EXT1: variants seen among roughly 807,000 people sequenced by gnomAD.
The protein encoded by EXT1 is exostosin-1.
A neutral mutation model predicts 82.5 loss-of-function variants in EXT1; 20 were observed. The observed-to-expected ratio is 0.24, with a 90% confidence interval of 0.17 to 0.35. The LOEUF (loss-of-function observed/expected upper bound fraction) is 0.35, where lower values mean the gene tolerates loss of function less well. EXT1 is among the 10% of genes least tolerant of loss of function. The pLI is 1.00. For synonymous variants in EXT1, 348 were observed against 350.8 expected (o/e 0.99, Z 0.09); for missense variants, 757 against 936.5 (o/e 0.81, Z 2.50).
chr8:117,866,778 C>T (rs1296505540), intron 1 of EXT1, among the ~76,000 whole-genome samples: 1 of 126,180 alleles, frequency 7.9e-6, no homozygotes, highest in Non-Finnish European at 1.6e-5. Flanking sequence ...TAGGAATTTG[C>T]TTCCCTGGCC....
intron 6 of EXT1, 132 bp downstream of exon 6, chr8:117,819,544 G>C: frequency 1.3e-6 from 1 of 793,314 alleles, no homozygotes; most frequent in Non-Finnish European, 2.3e-6. Context: ...ATGAATGAAA[G>C]GGAGTAGCAG....
intron 1 of EXT1, among the ~76,000 whole-genome samples, chr8:117,897,591 C>CTTT (rs34963536): frequency 0.029 from 2,623 of 90,572 alleles, 214 homozygotes; most frequent in African/African-American, 0.076. Flanking sequence ...CTTCTTTTCT[C>CTTT]TTTTTTTTTT....
At chr8:117,825,534 C>T (rs6469711) in intron 4 of EXT1, among the ~76,000 whole-genome samples, 34,649 of 152,038 alleles carry the variant, frequency 0.23, 4,607 homozygotes, top group Middle Eastern at 0.37. Flanking sequence ...ATGGCCCCCT[C>T]GATAAGGACA....
At position 118,087,702 on chromosome 8, in the gene EXT1, A is replaced by G. The variant is rs921072529; in HGVS notation, c.962+22383T>C. On this transcript the variant is annotated intron_variant, in intron 1 of 10. Coordinates refer to ENST00000378204, the MANE Select transcript of EXT1 (RefSeq NM_000127.3). ...CAGAAAAAAAATTTTTTAATAAAAG[A>G]TAAGTTTGATTCATGCATGTAATTG... Among the ~76,000 whole-genome samples, 7 of 152,296 alleles carry G rather than the reference A, an allele frequency of 4.6e-5. No homozygotes were observed. The South Asian group carries it at 1.2e-3, about 27-fold the overall frequency.
At chr8:117,898,706 G>GA (rs916946977) in intron 1 of EXT1, among the ~76,000 whole-genome samples, 55 of 148,342 alleles carry the variant, frequency 3.7e-4, no homozygotes, top group African/African-American at 8.9e-4. Flanking sequence ...AGGATGTAAG[G>GA]AAAAAAAAAC....
chr8:118,039,210 T>C (rs1412199508), intron 1 of EXT1, among the ~76,000 whole-genome samples: 1 of 152,222 alleles, frequency 6.6e-6, no homozygotes, highest in Non-Finnish European at 1.5e-5. Context: ...GTATGTAGGC[T>C]CAGATAATGT....
intron 1 of EXT1, among the ~76,000 whole-genome samples, chr8:118,082,916 G>T (rs1272530095): frequency 6.6e-6 from 1 of 152,132 alleles, no homozygotes; most frequent in African/African-American, 2.4e-5. Flanking sequence ...GCGAGGGAAA[G>T]AAACCAGAAA....
chr8:117,921,170 C>G (rs768564086), intron 1 of EXT1, among the ~76,000 whole-genome samples: 2 of 152,128 alleles, frequency 1.3e-5, no homozygotes, highest in Non-Finnish European at 2.9e-5. Context: ...TGGGCAAAGC[C>G]TCGCCTGCAA....
At position 118,110,939 on chromosome 8, in the gene EXT1, C is replaced by G. The variant is rs1291032406; in HGVS notation, c.108G>C (p.Arg36=). Residue 36 remains arginine, a synonymous_variant, in exon 1 of 11, where the codon CGG becomes CGC. Coordinates refer to ENST00000378204, the MANE Select transcript of EXT1 (RefSeq NM_000127.3). Reference sequence around the variant, plus strand: ...CATTCCTACCGCTGTGTTCTTCTCTCCGGCTGTGGCTCCTCGATGCCCTAA... The same window carrying G: ...CATTCCTACCGCTGTGTTCTTCTCTGCGGCTGTGGCTCCTCGATGCCCTAA... ...LQFRASRSHS[R]REEHSGRNGL... 1 of 1,613,614 alleles carries G rather than the reference C, an allele frequency of 6.2e-7. No homozygotes were observed. Among genetic ancestry groups the G allele is most frequent in the Non-Finnish European group, 8.5e-7 (1 of 1,180,050 alleles).
chr8:117,830,005 A>G (rs1194059844), intron 4 of EXT1, among the ~76,000 whole-genome samples: 1 of 152,206 alleles, frequency 6.6e-6, no homozygotes, highest in African/African-American at 2.4e-5. Context: ...GTCAATAAGT[A>G]TAATTTCTCC....
At chr8:118,009,805 T>C (rs1815857076) in intron 1 of EXT1, among the ~76,000 whole-genome samples, 2 of 152,068 alleles carry the variant, frequency 1.3e-5, no homozygotes, top group Admixed American at 6.6e-5. Context: ...CCTGAAACCA[T>C]CCCCACACCA....
intron 1 of EXT1, among the ~76,000 whole-genome samples, chr8:117,907,455 C>T (rs1813563709): frequency 6.6e-6 from 1 of 152,264 alleles, no homozygotes; most frequent in African/African-American, 2.4e-5. Flanking sequence ...TGCTTCCTGT[C>T]CATCCTTTGA....
chr8:117,909,382 T>C (rs181829590), intron 1 of EXT1, among the ~76,000 whole-genome samples: 2 of 152,268 alleles, frequency 1.3e-5, no homozygotes, highest in Admixed American at 6.5e-5. Flanking sequence ...AGAGATCAAA[T>C]AGTATGTAAT....
chr8:117,815,678 C>A (rs947391200), intron 7 of EXT1, among the ~76,000 whole-genome samples: 1 of 152,092 alleles, frequency 6.6e-6, no homozygotes, highest in African/African-American at 2.4e-5. Flanking sequence ...CCGCCTGTAA[C>A]CCCAGCACTT....
chr8:117,869,699 A>G (rs1042174025), intron 1 of EXT1, among the ~76,000 whole-genome samples: 1 of 152,206 alleles, frequency 6.6e-6, no homozygotes, highest in African/African-American at 2.4e-5. Flanking sequence ...CCTGATTTTA[A>G]AATAATCCTA....
chr8:117,826,373 A>T (rs1156850603), intron 4 of EXT1, among the ~76,000 whole-genome samples: 1 of 152,204 alleles, frequency 6.6e-6, no homozygotes, highest in Non-Finnish European at 1.5e-5. Flanking sequence ...AAAGACCTAG[A>T]GTCTGAGTAC....
At chr8:117,992,127 G>A (rs1244693438) in intron 1 of EXT1, among the ~76,000 whole-genome samples, 2 of 152,098 alleles carry the variant, frequency 1.3e-5, no homozygotes, top group African/African-American at 2.4e-5. Context: ...CATGTTGGCA[G>A]CTGCCCACAG....
At chr8:117,808,313 C>A (rs1823266433) in intron 8 of EXT1, among the ~76,000 whole-genome samples, 1 of 152,150 alleles carries the variant, frequency 6.6e-6, no homozygotes, top group African/African-American at 2.4e-5. Context: ...AGGTGCTTAT[C>A]CATTTTAACT....
intron 1 of EXT1, among the ~76,000 whole-genome samples, chr8:118,064,366 C>T (rs1313338390): frequency 6.6e-6 from 1 of 151,976 alleles, no homozygotes; most frequent in Non-Finnish European, 1.5e-5. Flanking sequence ...GTATGATGTG[C>T]CCCTCCCTGT....
Sources: gnomAD v4.1 joint callset for allele counts (sites outside exome capture counted in the v4.1 genomes callset) on GRCh38, gnomAD v4.1.1 for gene constraint, MANE v1.5 for transcripts, NCBI Gene and HGNC (gene_info 2026-07-23, HGNC 2026-07-21) for gene names.